The following ZMYM2 variants were observed in gnomAD, a reference collection of about 807,000 sequenced individuals.
ZMYM2 encodes the protein zinc finger MYM-type protein 2.
A neutral mutation model predicts 162.8 loss-of-function variants in ZMYM2; 56 were observed. The ratio of observed to expected loss-of-function variants is 0.34; its 90% CI spans 0.28 to 0.43. The LOEUF (loss-of-function observed/expected upper bound fraction) is 0.43, where lower values mean the gene tolerates loss of function less well. Ranked by LOEUF, ZMYM2 falls within the 20% of genes least tolerant of loss-of-function variation. ZMYM2 has a pLI of 1.00. For synonymous variants in ZMYM2, 510 were observed against 541.6 expected (o/e 0.94, Z 0.81); for missense variants, 1,275 against 1,621.8 (o/e 0.79, Z 3.67).
At chr13:19,944,273 C>T in the ZMYM2 span, among the ~76,000 whole-genome samples, 7 of 152,026 alleles carry the variant, frequency 4.6e-5, no homozygotes, top group African/African-American at 1.4e-4. Context: ...TTAAAAGTAG[C>T]AGTTAATGTG....
intron 6 of ZMYM2, among the ~76,000 whole-genome samples, chr13:20,011,172 C>T (rs922552369): frequency 1.3e-5 from 2 of 152,134 alleles, no homozygotes; most frequent in Non-Finnish European, 2.9e-5. Context: ...AACAATAGAA[C>T]TTACTCCTCC....
At chr13:19,885,171 G>A in the ZMYM2 span, among the ~76,000 whole-genome samples, 3 of 152,186 alleles carry the variant, frequency 2.0e-5, no homozygotes, top group Admixed American at 1.3e-4. Flanking sequence ...AAACTCAGAA[G>A]GCTGACGTGG....
the ZMYM2 span, among the ~76,000 whole-genome samples, chr13:19,946,198 G>T: frequency 6.6e-6 from 1 of 152,126 alleles, no homozygotes. Flanking sequence ...AGTGGCCAGG[G>T]TTATATGCTT....
chr13:19,984,567 T>C (rs1243136937), intron 2 of ZMYM2, among the ~76,000 whole-genome samples: 1 of 152,252 alleles, frequency 6.6e-6, no homozygotes, highest in East Asian at 1.9e-4. Flanking sequence ...TTGTTTAGTC[T>C]TAAATAGTTA....
intron 5 of ZMYM2, among the ~76,000 whole-genome samples, chr13:20,005,692 A>G (rs1950687915): frequency 6.6e-6 from 1 of 152,206 alleles, no homozygotes; most frequent in Admixed American, 6.5e-5. Flanking sequence ...TATATAAGTC[A>G]TTTGAATGAT....
Position 20,061,103 on chromosome 13 carries a change from T to G in ZMYM2, c.2790T>G (p.Ile930Met). 2 of 1,612,798 alleles carry G rather than the reference T, an allele frequency of 1.2e-6. No homozygotes were observed. The highest frequency in any genetic ancestry group is 1.7e-6 in the Non-Finnish European group (2 of 1,179,364). ...LPAPLDSSEK[I>M]PAAIEELKSK... ...CTCCATTGGACAGCAGTGAGAAGAT[T>G]CCTGCAGCAATTGAGGAGCTAAAAA... The change falls in exon 17 of 25, where the codon ATT (isoleucine) becomes ATG (methionine). Residue 930 changes from isoleucine to methionine, a missense_variant. By Grantham distance (10) the Ile-to-Met change is conservative. Coordinates refer to ENST00000610343, the MANE Select transcript of ZMYM2 (RefSeq NM_197968.4).
chr13:19,865,349 T>C, the ZMYM2 span, among the ~76,000 whole-genome samples: 1 of 152,238 alleles, frequency 6.6e-6, no homozygotes, highest in African/African-American at 2.4e-5. Context: ...GGGCTGCAGG[T>C]TGGACAAGCT....
At chr13:19,976,835 G>A (rs1956840190) in intron 2 of ZMYM2, among the ~76,000 whole-genome samples, 2 of 152,120 alleles carry the variant, frequency 1.3e-5, no homozygotes, top group Admixed American at 6.5e-5. Context: ...CTGATTTTCC[G>A]TTTGGTCGTT....
chr13:20,046,661 GTATA>G (rs1297238806), intron 12 of ZMYM2, among the ~76,000 whole-genome samples: 2 of 146,550 alleles, frequency 1.4e-5, no homozygotes, highest in Admixed American at 6.8e-5. Flanking sequence ...GTATATGTGT[GTATA>G]TATATGTGTG....
chr13:20,085,585 G>T (rs1020980101), intron 24 of ZMYM2, among the ~76,000 whole-genome samples: 1 of 152,122 alleles, frequency 6.6e-6, no homozygotes, highest in Non-Finnish European at 1.5e-5. Context: ...ATAATGAGTG[G>T]TGTGTCTATT....
chr13:19,935,075 A>G, the ZMYM2 span, among the ~76,000 whole-genome samples: 1 of 151,888 alleles, frequency 6.6e-6, no homozygotes, highest in Non-Finnish European at 1.5e-5. Flanking sequence ...TCCAAAGAGC[A>G]TTTTCAATGT....
chr13:19,919,454 A>G, the ZMYM2 span, among the ~76,000 whole-genome samples: 2 of 152,144 alleles, frequency 1.3e-5, no homozygotes, highest in East Asian at 1.9e-4. Flanking sequence ...ACCCTTTTAC[A>G]TTCCCACCAG....
chr13:19,864,653 C>T, the ZMYM2 span: 1 of 152,782 alleles, frequency 6.5e-6, no homozygotes, highest in African/African-American at 2.4e-5. Context: ...CTGGCCCTGC[C>T]TAGGCCTTTT....
the ZMYM2 span, among the ~76,000 whole-genome samples, chr13:19,941,720 C>CTTTTTTTTTTTTTT: frequency 1.6e-5 from 1 of 63,004 alleles, no homozygotes; most frequent in Non-Finnish European, 2.7e-5. Flanking sequence ...TGGCTTTCTG[C>CTTTTTTTTTTTTTT]TTTTTTTTTT....
chr13:20,031,457 G>A, intron 10 of ZMYM2, 22 bp downstream of exon 10: 1 of 1,463,656 alleles, frequency 6.8e-7, no homozygotes, highest in Non-Finnish European at 9.3e-7. Context: ...TTTGTAATGT[G>A]TGTTATCTAA....
chr13:19,882,426 T>C, the ZMYM2 span, among the ~76,000 whole-genome samples: 1 of 152,142 alleles, frequency 6.6e-6, no homozygotes, highest in African/African-American at 2.4e-5. Context: ...TTCAACTTCA[T>C]TAGTCATTAG....
At chr13:20,017,639 A>G (rs1352024356) in intron 6 of ZMYM2, among the ~76,000 whole-genome samples, 1 of 148,934 alleles carries the variant, frequency 6.7e-6, no homozygotes, top group East Asian at 2.0e-4. Flanking sequence ...TTACAAGCCT[A>G]CAGATCCCTA....
the ZMYM2 span, among the ~76,000 whole-genome samples, chr13:19,869,518 T>G: frequency 2.0e-5 from 3 of 152,196 alleles, no homozygotes; most frequent in African/African-American, 7.2e-5. Flanking sequence ...CTGGGCGTGG[T>G]GGCTCATGCC....
chr13:20,046,607 G>GTGTGTGTGTGTGTATA (rs781273129), intron 12 of ZMYM2, among the ~76,000 whole-genome samples: 1 of 104,372 alleles, frequency 9.6e-6, no homozygotes, highest in African/African-American at 3.9e-5. Flanking sequence ...GTGTGTGTGT[G>GTGTGTGTGTGTGTATA]TATATATATG....
Sources: allele counts gnomAD v4.1 joint callset (sites outside exome capture counted in the v4.1 genomes callset), GRCh38; gene constraint gnomAD v4.1.1; transcripts MANE v1.5; gene names NCBI Gene and HGNC (gene_info 2026-07-23, HGNC 2026-07-21).